Variants in TRAPPC9 observed in about 807,000 individuals in gnomAD.
TRAPPC9 encodes trafficking protein particle complex subunit 9, also known as IKK2 binding protein.
Under a neutral mutation model 124.0 loss-of-function variants are expected in TRAPPC9, and 83 were observed. The ratio of observed to expected loss-of-function variants is 0.67; its 90% CI spans 0.56 to 0.80. The LOEUF is 0.80. TRAPPC9 is among the 30% of genes least tolerant of loss of function. TRAPPC9 has a pLI of 0.00. For synonymous variants in TRAPPC9, 638 were observed against 617.5 expected, an observed-to-expected ratio of 1.03 and a Z score of -0.49; for missense variants, 1,302 against 1,508.3, an observed-to-expected ratio of 0.86 and a Z score of 2.27.
intron 21 of TRAPPC9, among the ~76,000 whole-genome samples, chr8:139,853,671 C>T (rs1005353283): frequency 3.3e-5 from 5 of 152,214 alleles, no homozygotes; most frequent in Admixed American, 6.5e-5. Context: ...ATCAGTTCCT[C>T]CTGGGCCAAT....
At chr8:139,961,580 G>A (rs1253241092) in intron 19 of TRAPPC9, among the ~76,000 whole-genome samples, 1 of 124,078 alleles carries the variant, frequency 8.1e-6, no homozygotes, top group African/African-American at 2.5e-5. Flanking sequence ...TCCCAGGTGT[G>A]GTTGCAGCCA....
intron 21 of TRAPPC9, among the ~76,000 whole-genome samples, chr8:139,791,413 A>T (rs1227719395): frequency 6.7e-6 from 1 of 149,302 alleles, no homozygotes; most frequent in African/African-American, 2.5e-5. Context: ...AGACTCACAC[A>T]CACACTCACA....
chr8:140,458,081 AGAGGGT>A (rs2071762282), upstream of TRAPPC9, among the ~76,000 whole-genome samples: 30 of 64,804 alleles, frequency 4.6e-4, no homozygotes, highest in African/African-American at 1.9e-3. Context: ...GGGGACAGGG[AGAGGGT>A]GGAGGAGGGA....
intron 19 of TRAPPC9, among the ~76,000 whole-genome samples, chr8:139,914,625 G>T (rs1035711849): frequency 6.6e-6 from 1 of 152,202 alleles, no homozygotes; most frequent in Admixed American, 6.5e-5. Context: ...CAGCTGGGAG[G>T]GTTTGCATGT....
chr8:140,081,408 C>T (rs1398669034), intron 17 of TRAPPC9, among the ~76,000 whole-genome samples: 1 of 146,362 alleles, frequency 6.8e-6, no homozygotes, highest in Non-Finnish European at 1.5e-5. Context: ...TGCAGTGGCA[C>T]AGTCTCAGCT....
At chr8:139,869,350 A>G (rs1828749429) in intron 21 of TRAPPC9, among the ~76,000 whole-genome samples, 1 of 152,224 alleles carries the variant, frequency 6.6e-6, no homozygotes. Flanking sequence ...AGAGAAGGGC[A>G]TCTTAAATAA....
intron 7 of TRAPPC9, among the ~76,000 whole-genome samples, chr8:140,383,411 T>C (rs1344791711): frequency 4.6e-5 from 7 of 152,042 alleles, no homozygotes; most frequent in Non-Finnish European, 8.8e-5. Context: ...CTTAAACACC[T>C]TGAAAAAAGA....
chr8:140,451,391 G>C lies in TRAPPC9; in HGVS notation c.-10-8C>G. The C allele has an allele frequency of 6.3e-7, 1 of 1,598,134 alleles. No individual in the cohort carries two copies. The highest frequency in any genetic ancestry group is 8.5e-7 in the Non-Finnish European group (1 of 1,178,508). On this transcript the variant is annotated splice_polypyrimidine_tract_variant and splice_region_variant and intron_variant, in intron 1 of 22. Transcript: ENST00000438773. ...ACGCTCATTTTGAAGTCCCTGTTCA[G>C]AGAGAAGAAATGAGGCTGTGAGACA...
chr8:140,114,142 C>T (rs917949496), intron 17 of TRAPPC9, among the ~76,000 whole-genome samples: 8 of 152,138 alleles, frequency 5.3e-5, no homozygotes, highest in Non-Finnish European at 1.0e-4. Flanking sequence ...ACTCACTCTG[C>T]TTCCGAGCGG....
chr8:139,940,981 AG>A (rs760271353), intron 19 of TRAPPC9, among the ~76,000 whole-genome samples: 2 of 152,156 alleles, frequency 1.3e-5, no homozygotes, highest in South Asian at 2.1e-4. Flanking sequence ...CAGCCTATGA[AG>A]GGGGGTTGGG....
intron 17 of TRAPPC9, among the ~76,000 whole-genome samples, chr8:140,062,217 T>C (rs913698224): frequency 3.3e-5 from 5 of 152,142 alleles, no homozygotes; most frequent in African/African-American, 4.8e-5. Flanking sequence ...CCACCTTCCC[T>C]GTACACAGCG....
chr8:139,752,426 C>T (rs1232439978), intron 21 of TRAPPC9, among the ~76,000 whole-genome samples: 2 of 151,376 alleles, frequency 1.3e-5, no homozygotes, highest in Admixed American at 6.6e-5. Context: ...TCCATCCATC[C>T]ATCTAACATC....
intron 14 of TRAPPC9, among the ~76,000 whole-genome samples, chr8:140,278,956 A>G (rs1214751829): frequency 6.6e-6 from 1 of 152,202 alleles, no homozygotes; most frequent in Non-Finnish European, 1.5e-5. Flanking sequence ...TCTTCTGGAC[A>G]TCTCATCTCA....
At chr8:140,119,195 C>T (rs991999917) in intron 17 of TRAPPC9, among the ~76,000 whole-genome samples, 6 of 152,218 alleles carry the variant, frequency 3.9e-5, no homozygotes, top group Admixed American at 1.3e-4. Context: ...CCACGCCAGG[C>T]GTGGCGTCCT....
chr8:140,151,589 G>T (rs1587815186), intron 17 of TRAPPC9, among the ~76,000 whole-genome samples: 2 of 152,162 alleles, frequency 1.3e-5, no homozygotes, highest in African/African-American at 4.8e-5. Flanking sequence ...AGGCACATTG[G>T]ACTAGGGCCC....
chr8:139,875,582 C>T (rs1367534693), intron 21 of TRAPPC9, among the ~76,000 whole-genome samples: 1 of 152,218 alleles, frequency 6.6e-6, no homozygotes, highest in African/African-American at 2.4e-5. Flanking sequence ...CGACAGCCTT[C>T]GCCCCCCACA....
chr8:140,030,890 G>C (rs576469939), intron 17 of TRAPPC9, among the ~76,000 whole-genome samples: 7 of 152,284 alleles, frequency 4.6e-5, no homozygotes, highest in Non-Finnish European at 1.0e-4. Flanking sequence ...AGAAACTATG[G>C]AGGGTGATAA....
intron 17 of TRAPPC9, among the ~76,000 whole-genome samples, chr8:140,027,666 C>T (rs1840236204): frequency 6.6e-6 from 1 of 152,160 alleles, no homozygotes; most frequent in Non-Finnish European, 1.5e-5. Flanking sequence ...TCCATTCTCA[C>T]ACTACTATAA....
chr8:140,033,687 TTTTTTTTTTTTTG>T (rs1840689988), intron 17 of TRAPPC9, among the ~76,000 whole-genome samples: 2 of 119,456 alleles, frequency 1.7e-5, no homozygotes, highest in African/African-American at 7.3e-5. Flanking sequence ...TTTTTTTTTT[TTTTTTTTTTTTTG>T]AGACAGAGTC....
Sources: allele counts gnomAD v4.1 joint callset (sites outside exome capture counted in the v4.1 genomes callset), GRCh38; gene constraint gnomAD v4.1.1; transcripts MANE v1.5; gene names NCBI Gene and HGNC (gene_info 2026-07-23, HGNC 2026-07-21).